The following KCNJ5 variants were observed in gnomAD, a reference collection of about 807,000 sequenced individuals.
KCNJ5 encodes the protein potassium inwardly rectifying channel subfamily J member 5.
A neutral mutation model predicts 20.2 loss-of-function variants in KCNJ5; 12 were observed. That is an observed-to-expected ratio of 0.59 (90% CI 0.38 to 0.96). KCNJ5 has a LOEUF of 0.96. KCNJ5 is among the 40% of genes least tolerant of loss of function. The pLI, the probability that KCNJ5 is intolerant of heterozygous loss-of-function variation, is 0.00. For missense variants in KCNJ5, 449 were observed against 557.6 expected (o/e 0.81, Z 1.96); for synonymous variants, 210 against 213.9 (o/e 0.98, Z 0.16).
chr11:128,895,078 G>A (rs538688726), intron 1 of KCNJ5, among the ~76,000 whole-genome samples: 19 of 152,068 alleles, frequency 1.2e-4, no homozygotes, highest in Non-Finnish European at 1.9e-4. Flanking sequence ...ATAGTATGGG[G>A]GACAGGAAAG....
At chr11:128,893,880 C>T (rs1430387825) in intron 1 of KCNJ5, among the ~76,000 whole-genome samples, 4 of 152,344 alleles carry the variant, frequency 2.6e-5, no homozygotes, top group African/African-American at 9.6e-5. Flanking sequence ...AGCAGAGACA[C>T]GTGTGTGGCC....
chr11:128,902,387 A>C, intron 1 of KCNJ5: 2 of 766,980 alleles, frequency 2.6e-6, no homozygotes, highest in Non-Finnish European at 2.1e-6. Flanking sequence ...GAACTGGAGG[A>C]CTATCGCACT....
At position 128,916,244 on chromosome 11, in the gene KCNJ5, A is replaced by ATGGATGGATG. The variant is rs1565554461; in HGVS notation, c.938-165_938-164insTGGATGGATG. ...TGGATGGTTGGATGGATAGATGATT[A>ATGGATGGATG]GATGGATGGATGGATGGATGGATGG... On this transcript the variant is annotated intron_variant, in intron 2 of 2. Transcript: ENST00000529694. 8.7e-3 allele frequency among the ~76,000 whole-genome samples: 1,129 copies of ATGGATGGATG among 129,290 alleles called. 20 individuals are homozygous for ATGGATGGATG. The highest frequency in any genetic ancestry group is 0.033 in the African/African-American group (1,096 of 33,082). The allele number at this position is 129,290 out of a possible 152,430, so 84.8% of individuals were successfully genotyped here. A position where few individuals can be genotyped will look rare whatever the true frequency, so the allele number is the denominator to read the frequency against.
At position 128,891,556 on chromosome 11, in the gene KCNJ5, T is replaced by C. The variant is rs535006463; in HGVS notation, c.-176T>C. The C allele has an allele frequency of 6.6e-6, 1 of 152,282 alleles. No individual in the cohort carries two copies. Among genetic ancestry groups the C allele is most frequent in the Non-Finnish European group, 1.5e-5 (1 of 68,148 alleles). 9.4% of individuals were successfully genotyped at this position (152,282 alleles called of 1,614,324 possible). A position where few individuals can be genotyped will look rare whatever the true frequency, so the allele number is the denominator to read the frequency against. ...AGGGACAGGATGGCTTAGGTACCTC[T>C]GCCCACAGGACCCCACAACAGGGAG... On this transcript the variant is annotated 5_prime_UTR_variant, in exon 1 of 3. Transcript: ENST00000529694.
intron 1 of KCNJ5, chr11:128,902,615 T>C (rs1367829493): frequency 1.2e-6 from 2 of 1,613,684 alleles, no homozygotes; most frequent in Admixed American, 3.3e-5. Context: ...CAGGCGGCCC[T>C]CTCTACTATC....
chr11:128,908,236 C>T (rs1303981671), intron 1 of KCNJ5, among the ~76,000 whole-genome samples: 1 of 152,128 alleles, frequency 6.6e-6, no homozygotes, highest in Non-Finnish European at 1.5e-5. Context: ...ATTATGAATA[C>T]GTATGTTTAT....
chr11:128,893,054 G>A (rs1265445919), intron 1 of KCNJ5, among the ~76,000 whole-genome samples: 11 of 152,208 alleles, frequency 7.2e-5, no homozygotes, highest in Admixed American at 7.2e-4. Flanking sequence ...TCAAAGCCAG[G>A]TGTAAATTGC....
At chr11:128,892,411 A>T (rs1937725703) in intron 1 of KCNJ5, among the ~76,000 whole-genome samples, 1 of 152,040 alleles carries the variant, frequency 6.6e-6, no homozygotes, top group Non-Finnish European at 1.5e-5. Flanking sequence ...CCTTCCCTCA[A>T]ACAGGGCTCT....
In KCNJ5 at chr11:128,920,006, A is replaced by G. The variant is rs1944645139; in HGVS notation, c.*3275A>G. 1 of 152,182 alleles carries G rather than the reference A, an allele frequency of 6.6e-6. No individual in the cohort carries two copies. Among genetic ancestry groups the G allele is most frequent in the South Asian group, 2.1e-4 (1 of 4,824 alleles). 9.4% of individuals were successfully genotyped at this position (152,182 alleles called of 1,614,324 possible). A position where few individuals can be genotyped will look rare whatever the true frequency, so the allele number is the denominator to read the frequency against. On this transcript the variant is annotated 3_prime_UTR_variant, in exon 3 of 3. Coordinates refer to ENST00000529694, the MANE Select transcript of KCNJ5 (RefSeq NM_000890.5). ...CAGTCTTGAGTATCTCCAAAATCCC[A>G]AAGTGATATTTCACTTTCGGACCCT...
chr11:128,893,307 G>T (rs991620591), intron 1 of KCNJ5, among the ~76,000 whole-genome samples: 4 of 152,128 alleles, frequency 2.6e-5, no homozygotes, highest in African/African-American at 9.7e-5. Flanking sequence ...AGCAGCAGCA[G>T]GGCCACCATT....
intron 2 of KCNJ5, among the ~76,000 whole-genome samples, chr11:128,916,005 G>GATGA (rs1944573342): frequency 6.7e-6 from 1 of 149,596 alleles, no homozygotes; most frequent in East Asian, 2.0e-4. Context: ...TGGATGGATG[G>GATGA]ATGGATGATT....
intron 1 of KCNJ5, among the ~76,000 whole-genome samples, chr11:128,897,810 A>C (rs1944201138): frequency 6.6e-6 from 1 of 152,126 alleles, no homozygotes; most frequent in South Asian, 2.1e-4. Context: ...ATCCATTTTG[A>C]ATTAACTTTG....
intron 1 of KCNJ5, among the ~76,000 whole-genome samples, chr11:128,893,072 G>A (rs999679623): frequency 2.6e-5 from 4 of 152,180 alleles, no homozygotes; most frequent in Admixed American, 6.5e-5. Flanking sequence ...TGCATCATCT[G>A]GCTGAATGAG....
chr11:128,900,832 G>A lies in KCNJ5; in HGVS notation c.-11+9111G>A, dbSNP rs1254361457. ...CAGGAGTTGAAAGAGCCCAACAGAG[G>A]TGCAAACTGCCATTATGATTCCATG... On this transcript the variant is annotated intron_variant, in intron 1 of 2. Transcript: ENST00000529694. 3 of 152,192 alleles carry A rather than the reference G, an allele frequency of 2.0e-5. No homozygotes were observed. The East Asian group carries it at 5.8e-4, about 29-fold the overall frequency. The allele number at this position is 152,192 out of a possible 1,614,324, so 9.4% of individuals were successfully genotyped here. A position where few individuals can be genotyped will look rare whatever the true frequency, so the allele number is the denominator to read the frequency against.
At chr11:128,904,599 G>A (rs775112536) in intron 1 of KCNJ5, 4 of 824,950 alleles carry the variant, frequency 4.8e-6, no homozygotes, top group South Asian at 4.0e-5. Flanking sequence ...CGCGGACTCT[G>A]GAAACCCCAG....
intron 1 of KCNJ5, among the ~76,000 whole-genome samples, chr11:128,894,462 G>C (rs1346783543): frequency 1.3e-5 from 2 of 152,242 alleles, no homozygotes; most frequent in Admixed American, 1.3e-4. Flanking sequence ...ATGAGCTATA[G>C]ACAGGTCATT....
chr11:128,892,615 C>T (rs557532343), intron 1 of KCNJ5, among the ~76,000 whole-genome samples: 4 of 152,322 alleles, frequency 2.6e-5, no homozygotes, highest in African/African-American at 7.2e-5. Flanking sequence ...TTATCATCCT[C>T]ATTCTACAGG....
chr11:128,902,372 T>C (rs1691803354), intron 1 of KCNJ5: 3 of 710,408 alleles, frequency 4.2e-6, no homozygotes, highest in Admixed American at 5.4e-5. Flanking sequence ...ATTTTTACTG[T>C]TGGTGAACTG....
chr11:128,912,512 T>TTTG (rs1181206697), intron 2 of KCNJ5, among the ~76,000 whole-genome samples: 1 of 151,470 alleles, frequency 6.6e-6, no homozygotes, highest in Non-Finnish European at 1.5e-5. Context: ...TGTTGTTTTG[T>TTTG]TTATTTGTTT....
Sources: gnomAD v4.1 joint callset for allele counts (sites outside exome capture counted in the v4.1 genomes callset) on GRCh38, gnomAD v4.1.1 for gene constraint, MANE v1.5 for transcripts, NCBI Gene and HGNC (gene_info 2026-07-23, HGNC 2026-07-21) for gene names.